COL11A1: variants seen among roughly 807,000 people sequenced by gnomAD.
COL11A1 encodes the protein collagen alpha-1(XI) chain.
In COL11A1, 74 loss-of-function variants were observed where a neutral mutation model predicts 265.2. The ratio of observed to expected loss-of-function variants is 0.28; its 90% confidence interval spans 0.23 to 0.34. The LOEUF is 0.34. Among genes scored for constraint, COL11A1 ranks in the 10% least tolerant of loss-of-function variants. COL11A1 has a pLI of 1.00. For synonymous variants in COL11A1, 816 were observed against 727.6 expected, an observed-to-expected ratio of 1.12 and a Z score of -1.96; for missense variants, 2,165 against 2,263.6, an observed-to-expected ratio of 0.96 and a Z score of 0.88.
At chr1:103,008,882 A>G (rs1449850347) in intron 14 of COL11A1, among the ~76,000 whole-genome samples, 1 of 152,192 alleles carries the variant, frequency 6.6e-6, no homozygotes, top group South Asian at 2.1e-4. Flanking sequence ...ACCCATTATT[A>G]CCAAATCAGA....
intron 42 of COL11A1, among the ~76,000 whole-genome samples, chr1:102,944,982 G>A (rs957533085): frequency 1.3e-5 from 2 of 152,036 alleles, no homozygotes; most frequent in African/African-American, 2.4e-5. Context: ...TCACCTAAAA[G>A]TTCTATCCAC....
chr1:103,104,761 A>G (rs1273324044), intron 1 of COL11A1, among the ~76,000 whole-genome samples: 1 of 152,220 alleles, frequency 6.6e-6, no homozygotes, highest in Non-Finnish European at 1.5e-5. Flanking sequence ...TTAAAAAACA[A>G]ATGGAAAGAC....
chr1:102,984,064 T>C (rs946612113), intron 31 of COL11A1, 74 bp downstream of exon 31: 2 of 1,053,890 alleles, frequency 1.9e-6, no homozygotes. Flanking sequence ...ATGTTACAAA[T>C]TGTAAGGTAA....
Position 103,001,957 on chromosome 1 carries a change from G to A in COL11A1, c.2110C>T (p.Pro704Ser). ...GNPGPQGLPG[P>S]QGPIGPPGEK... ...CCAGGAGGACCAATTGGACCTTGTGGACCAGGAAGACCCTATTTTAAAAGA... is the reference window on the plus strand; with the variant it reads ...CCAGGAGGACCAATTGGACCTTGTGAACCAGGAAGACCCTATTTTAAAAGA... Residue 704 changes from proline (P) to serine (S), a missense_variant, in exon 24 of 67, where the codon CCA becomes TCA. Transcript: ENST00000370096. The A allele has an allele frequency of 1.9e-6, 3 of 1,612,876 alleles. No homozygotes were observed. The highest frequency in any genetic ancestry group is 2.5e-6 in the Non-Finnish European group (3 of 1,178,978).
At chr1:103,100,877 G>A (rs375081850) in intron 1 of COL11A1, among the ~76,000 whole-genome samples, 19 of 152,004 alleles carry the variant, frequency 1.2e-4, no homozygotes, top group African/African-American at 4.3e-4. Flanking sequence ...GGTAAAATCA[G>A]TATTTTGATA....
intron 28 of COL11A1, among the ~76,000 whole-genome samples, chr1:102,993,464 A>G (rs72985793): frequency 0.014 from 2,070 of 152,274 alleles, 46 homozygotes; most frequent in African/African-American, 0.047. Context: ...CACCTCTAGA[A>G]TACTGATAAT....
At chr1:103,096,823 G>T (rs1673808825) in intron 1 of COL11A1, among the ~76,000 whole-genome samples, 1 of 151,864 alleles carries the variant, frequency 6.6e-6, no homozygotes, top group Admixed American at 6.6e-5. Flanking sequence ...TGCAATTTTT[G>T]TTCTAAAAGC....
At chr1:103,105,198 C>T (rs1674599109) in intron 1 of COL11A1, among the ~76,000 whole-genome samples, 1 of 151,848 alleles carries the variant, frequency 6.6e-6, no homozygotes, top group African/African-American at 2.4e-5. Context: ...AGGTAAACCC[C>T]ACCTCCTGTG....
At chr1:103,034,526 A>C (rs1393742160) in intron 4 of COL11A1, among the ~76,000 whole-genome samples, 1 of 152,012 alleles carries the variant, frequency 6.6e-6, no homozygotes, top group Non-Finnish European at 1.5e-5. Flanking sequence ...CAGTACTACA[A>C]TTTAGTATTT....
chr1:103,076,464 A>G (rs1277440390), intron 3 of COL11A1, among the ~76,000 whole-genome samples: 1 of 152,084 alleles, frequency 6.6e-6, no homozygotes, highest in Non-Finnish European at 1.5e-5. Flanking sequence ...AGGGTCCCCT[A>G]TCCTTCTATG....
In COL11A1 at chr1:102,972,802, T is replaced by G. The variant is rs571602774; in HGVS notation, c.2808+2028A>C. On this transcript the variant is annotated intron_variant, in intron 36 of 66. Coordinates refer to ENST00000370096, the MANE Select transcript of COL11A1 (RefSeq NM_001854.4). The stretch of plus-strand genomic sequence containing the variant: ...TCTCACTTCTCATTGGCACTGAGTT[T>G]TGACTTTTTCTATTCTAAATAGAAT... Among the ~76,000 whole-genome samples, 254 of 152,190 alleles carry G rather than the reference T, an allele frequency of 1.7e-3. 1 individual carries two copies. Among genetic ancestry groups the G allele is most frequent in the Middle Eastern group, 0.01 (3 of 294 alleles).
intron 49 of COL11A1, among the ~76,000 whole-genome samples, 200 bp from the exon 50 acceptor site, chr1:102,915,884 T>C (rs1012003343): frequency 2.0e-5 from 3 of 152,214 alleles, no homozygotes; most frequent in Non-Finnish European, 4.4e-5. Flanking sequence ...TAGACAGAAA[T>C]ATGCAGGCTT....
Position 102,965,482 on chromosome 1 carries a change from CA to C in COL11A1, c.2916+4del, listed in dbSNP as rs1219556197. 3 of 1,613,178 alleles carry C rather than the reference CA, an allele frequency of 1.9e-6. No individual in the cohort carries two copies. The highest frequency in any genetic ancestry group is 2.5e-6 in the Non-Finnish European group (3 of 1,179,346). ...TTGCTTGGGAAATAAAGCAAAGGAA[CA>C]TACCTGTGGTCCAACCACTCCCCCT... On this transcript the variant is annotated splice_donor_region_variant and intron_variant, in intron 38 of 66. Coordinates refer to ENST00000370096, the MANE Select transcript of COL11A1 (RefSeq NM_001854.4).
intron 42 of COL11A1, among the ~76,000 whole-genome samples, 164 bp from the exon 43 acceptor site, chr1:102,940,598 ATAC>A (rs944862376): frequency 1.3e-5 from 2 of 152,196 alleles, no homozygotes; most frequent in African/African-American, 4.8e-5. Context: ...GTGACTAAGA[ATAC>A]TATTTTTTTA....
chr1:102,997,334 T>C (rs1178595735), intron 25 of COL11A1, among the ~76,000 whole-genome samples: 2 of 151,984 alleles, frequency 1.3e-5, no homozygotes, highest in African/African-American at 4.8e-5. Context: ...ATTTGATGGA[T>C]GTAAGTTTCT....
intron 2 of COL11A1, among the ~76,000 whole-genome samples, chr1:103,081,795 G>A (rs1256309956): frequency 1.3e-5 from 2 of 151,874 alleles, no homozygotes; most frequent in African/African-American, 4.8e-5. Context: ...AATTGCTGCT[G>A]AGAAGATCCC....
At chr1:102,945,394 T>C (rs967687771) in intron 42 of COL11A1, among the ~76,000 whole-genome samples, 1 of 152,080 alleles carries the variant, frequency 6.6e-6, no homozygotes, top group South Asian at 2.1e-4. Context: ...TGAGCCAATA[T>C]ATTTTTGTTC....
intron 28 of COL11A1, 113 bp downstream of exon 28, chr1:102,995,751 T>A: frequency 1.2e-6 from 1 of 852,662 alleles, no homozygotes; most frequent in Non-Finnish European, 2.0e-6. Context: ...ATACTAGCAT[T>A]GCGTAGTATG....
rs773180523 is a variant in COL11A1, at chr1:103,031,156, G to A, written c.740C>T (p.Ala247Val). The A allele has an allele frequency of 3.1e-6, 5 of 1,612,950 alleles. No homozygotes were observed. Among genetic ancestry groups the A allele is most frequent in the Admixed American group, 1.7e-5 (1 of 59,910 alleles). The change falls in exon 5 of 67, where the codon GCA (alanine) becomes GTA (valine). Residue 247 changes from alanine (A) to valine (V), a missense_variant. Physicochemically the swap from Ala to Val is moderately conservative, Grantham distance 64. Coordinates refer to ENST00000370096, the MANE Select transcript of COL11A1 (RefSeq NM_001854.4). ...EHYSPDCDSSAPKAAQAQEPQ... is the reference protein window; with the variant it reads ...EHYSPDCDSSVPKAAQAQEPQ... Reference sequence around the variant, plus strand: ...TTCCTGAGCTTGAGCAGCCTTGGGTGCTGAAGAGTCACAGTCTGGACTATA... The same window carrying A: ...TTCCTGAGCTTGAGCAGCCTTGGGTACTGAAGAGTCACAGTCTGGACTATA...
Sources: allele counts gnomAD v4.1 joint callset (sites outside exome capture counted in the v4.1 genomes callset), GRCh38; gene constraint gnomAD v4.1.1; transcripts MANE v1.5; gene names NCBI Gene and HGNC (gene_info 2026-07-23, HGNC 2026-07-21).